The following ATRNL1 variants were observed in gnomAD, a reference collection of about 807,000 sequenced individuals.
The protein encoded by ATRNL1 is attractin-like protein 1.
ATRNL1 carries 95 observed loss-of-function variants against 182.7 expected under a neutral mutation model. The observed-to-expected ratio is 0.52, with a 90% CI of 0.44 to 0.62. ATRNL1 has a LOEUF of 0.62. Among genes scored for constraint, ATRNL1 ranks in the 20% least tolerant of loss-of-function variants. The pLI, the probability that ATRNL1 is intolerant of heterozygous loss-of-function variation, is 0.00. For synonymous variants in ATRNL1, 576 were observed against 568.3 expected (o/e 1.01, Z -0.19); for missense variants, 1,471 against 1,679.5 (o/e 0.88, Z 2.17).
Position 115,315,641 on chromosome 10 carries a change from T to G in ATRNL1, c.2942T>G (p.Met981Arg). The change falls in exon 18 of 29, where the codon ATG (methionine) becomes AGG (arginine). Residue 981 changes from methionine to arginine, a missense_variant. Met to Arg is a moderately conservative substitution (Grantham distance 91). This residue lies in a region of ATRNL1 where 437 missense variants were observed against 506.0 expected (regional missense o/e 0.86). Transcript: ENST00000355044. ...ATTGAAGGTTCTTCACGGGGACCAA[T>G]GAAGCTTATTGGAATGCACCACAGT... Reference protein sequence around the residue: ...HCIEGSSRGPMKLIGMHHSEM... With the variant: ...HCIEGSSRGPRKLIGMHHSEM... 6.2e-7 allele frequency: 1 copy of G among 1,613,934 alleles called. No homozygotes were observed. Among genetic ancestry groups the G allele is most frequent in the Non-Finnish European group, 8.5e-7 (1 of 1,179,944 alleles).
chr10:115,262,072 GAAACAA>G (rs1325898722), intron 10 of ATRNL1, among the ~76,000 whole-genome samples: 42 of 151,586 alleles, frequency 2.8e-4, no homozygotes, highest in African/African-American at 9.9e-4. Flanking sequence ...GAAAATACAA[GAAACAA>G]AAACAAAAAC....
At chr10:115,859,274 G>A (rs543182202) in intron 28 of ATRNL1, among the ~76,000 whole-genome samples, 2 of 151,928 alleles carry the variant, frequency 1.3e-5, no homozygotes, top group East Asian at 3.9e-4. Context: ...AGAATGGAAG[G>A]GTTCTGAGTC....
At chr10:115,365,501 T>G (rs1470332318) in intron 19 of ATRNL1, among the ~76,000 whole-genome samples, 4 of 152,292 alleles carry the variant, frequency 2.6e-5, no homozygotes, top group Middle Eastern at 3.4e-3. Context: ...TTTGAAGGGT[T>G]TTTTGTGTCT....
At chr10:115,274,990 A>G (rs1231516921) in intron 13 of ATRNL1, among the ~76,000 whole-genome samples, 1 of 152,186 alleles carries the variant, frequency 6.6e-6, no homozygotes, top group African/African-American at 2.4e-5. Flanking sequence ...TATGGTGGGA[A>G]TTACCACTCC....
At chr10:115,824,912 A>G (rs1950392771) in intron 27 of ATRNL1, among the ~76,000 whole-genome samples, 1 of 152,220 alleles carries the variant, frequency 6.6e-6, no homozygotes, top group South Asian at 2.1e-4. Flanking sequence ...AGGAGTTTAA[A>G]TCATTCTACT....
chr10:115,724,910 C>T (rs1198117948), intron 26 of ATRNL1, among the ~76,000 whole-genome samples: 2 of 152,126 alleles, frequency 1.3e-5, no homozygotes, highest in African/African-American at 2.4e-5. Context: ...ATGATGTTCT[C>T]TTCCTAAATT....
chr10:115,742,536 C>A (rs1555067939), intron 27 of ATRNL1, among the ~76,000 whole-genome samples: 1 of 152,112 alleles, frequency 6.6e-6, no homozygotes, highest in Non-Finnish European at 1.5e-5. Flanking sequence ...ACATTTGTTT[C>A]AAAGGCTATG....
intron 22 of ATRNL1, among the ~76,000 whole-genome samples, chr10:115,466,402 C>A (rs935565260): frequency 1.3e-5 from 2 of 151,224 alleles, no homozygotes; most frequent in African/African-American, 4.8e-5. Context: ...GCTAAACTTA[C>A]CCATTATGAC....
chr10:115,125,014 G>C (rs1341496650), intron 3 of ATRNL1, among the ~76,000 whole-genome samples: 1 of 152,186 alleles, frequency 6.6e-6, no homozygotes, highest in African/African-American at 2.4e-5. Flanking sequence ...ATGGGGGTCA[G>C]ATAGGACATT....
chr10:115,708,096 C>T (rs1198371338), intron 26 of ATRNL1, among the ~76,000 whole-genome samples: 1 of 151,180 alleles, frequency 6.6e-6, no homozygotes, highest in Non-Finnish European at 1.5e-5. Flanking sequence ...AATCATTATC[C>T]AGCTTACTGC....
At chr10:115,646,968 C>A (rs1479406644) in intron 26 of ATRNL1, among the ~76,000 whole-genome samples, 8 of 121,818 alleles carry the variant, frequency 6.6e-5, no homozygotes, top group Non-Finnish European at 1.2e-4. Flanking sequence ...CACCCCACAA[C>A]AGGCCCTGGT....
In ATRNL1 at chr10:115,216,548, G is replaced by T. The variant is rs994519352; in HGVS notation, c.1532+668G>T. ...CCTATTGTTTCCTGTTTAGTGAATT[G>T]CCTACTCATATCCATAATATTCTCT... On this transcript the variant is annotated intron_variant, in intron 9 of 28. Transcript: ENST00000355044. Among the ~76,000 whole-genome samples, 4 of 151,950 alleles carry T rather than the reference G, an allele frequency of 2.6e-5. No individual in the cohort carries two copies. The East Asian group carries it at 7.7e-4, about 29-fold the overall frequency.
intron 5 of ATRNL1, among the ~76,000 whole-genome samples, chr10:115,143,388 C>G (rs1284014352): frequency 6.6e-6 from 1 of 151,556 alleles, no homozygotes; most frequent in African/African-American, 2.4e-5. Flanking sequence ...TGATCAGAAC[C>G]AAGGTCTTAA....
chr10:115,844,795 A>G (rs1238259892), intron 27 of ATRNL1, among the ~76,000 whole-genome samples: 1 of 152,080 alleles, frequency 6.6e-6, no homozygotes, highest in African/African-American at 2.4e-5. Context: ...TGGGCAAACA[A>G]ACCCAGGCCT....
chr10:115,330,672 CTT>C lies in ATRNL1; in HGVS notation c.3038-3592_3038-3591del, dbSNP rs200104323. Among the ~76,000 whole-genome samples the C allele has an allele frequency of 7.8e-3, 795 of 101,344 alleles. 6 individuals are homozygous for C. The highest frequency in any genetic ancestry group is 0.023 in the African/African-American group (632 of 27,362). The allele number at this position is 101,344 out of a possible 152,430, so 66.5% of individuals were successfully genotyped here. ...TTGGAATTCCTTTATGTGTTATTTGCTTTTTTTTTTTTTTTTTTTCTCATGCT... is the reference window on the plus strand; with the variant it reads ...TTGGAATTCCTTTATGTGTTATTTGCTTTTTTTTTTTTTTTTTCTCATGCT... On this transcript the variant is annotated intron_variant, in intron 18 of 28. Coordinates refer to ENST00000355044, the MANE Select transcript of ATRNL1 (RefSeq NM_207303.4).
At chr10:115,336,889 A>C (rs1855505623) in intron 19 of ATRNL1, among the ~76,000 whole-genome samples, 1 of 150,534 alleles carries the variant, frequency 6.6e-6, no homozygotes, top group East Asian at 2.0e-4. Context: ...TGTGTTGCCC[A>C]GGCTGGAGTG....
chr10:115,214,412 A>G (rs2144398734), intron 8 of ATRNL1, among the ~76,000 whole-genome samples: 1 of 152,124 alleles, frequency 6.6e-6, no homozygotes, highest in African/African-American at 2.4e-5. Context: ...TCCAAAATGT[A>G]ATGCCTGTTA....
chr10:115,540,122 G>A (rs1852264828), intron 25 of ATRNL1, among the ~76,000 whole-genome samples: 1 of 90,472 alleles, frequency 1.1e-5, no homozygotes, highest in South Asian at 3.5e-4. Flanking sequence ...AGAACTTAAA[G>A]TATAATAATA....
At chr10:115,770,525 G>A (rs1158982268) in intron 27 of ATRNL1, among the ~76,000 whole-genome samples, 1 of 152,144 alleles carries the variant, frequency 6.6e-6, no homozygotes, top group African/African-American at 2.4e-5. Flanking sequence ...GGCAGGCTGT[G>A]TCAAAAGCAT....
Sources: allele counts gnomAD v4.1 joint callset (sites outside exome capture counted in the v4.1 genomes callset), GRCh38; gene constraint gnomAD v4.1.1; regional missense constraint gnomAD v4.1.1; transcripts MANE v1.5; gene names NCBI Gene and HGNC (gene_info 2026-07-23, HGNC 2026-07-21).